OPA3: variants seen among roughly 807,000 people sequenced by gnomAD.
OPA3 encodes outer mitochondrial membrane lipid metabolism regulator OPA3.
A neutral mutation model predicts 4.0 loss-of-function variants in OPA3; 6 were observed. The ratio of observed to expected loss-of-function variants is 1.51; its 90% confidence interval spans 0.83 to 2.99. OPA3 has a LOEUF of 2.99. Ranked by LOEUF, OPA3 falls within the 30% of genes most tolerant of loss-of-function variation. OPA3 has a pLI of 0.00. For missense variants in OPA3, 235 were observed against 256.2 expected (o/e 0.92, Z 0.56); for synonymous variants, 105 against 117.1 (o/e 0.90, Z 0.67).
intron 1 of OPA3, among the ~76,000 whole-genome samples, chr19:45,535,762 C>CTTTTTT (rs370775683): frequency 4.2e-4 from 52 of 122,876 alleles, no homozygotes; most frequent in Non-Finnish European, 6.1e-4. Context: ...TTTTTCTTTT[C>CTTTTTT]TTTTTTTTTT....
intron 1 of OPA3, among the ~76,000 whole-genome samples, chr19:45,581,365 C>T (rs1280512167): frequency 6.6e-6 from 1 of 152,134 alleles, no homozygotes; most frequent in Non-Finnish European, 1.5e-5. Flanking sequence ...CCTCCCTCTG[C>T]CCCAGTGCTT....
At chr19:45,581,271 C>T (rs1345961016) in intron 1 of OPA3, among the ~76,000 whole-genome samples, 1 of 152,112 alleles carries the variant, frequency 6.6e-6, no homozygotes, top group African/African-American at 2.4e-5. Flanking sequence ...AATTCCGGGC[C>T]CTGGAAAGCA....
downstream of OPA3, among the ~76,000 whole-genome samples, chr19:45,542,422 T>A (rs535127759): frequency 6.6e-6 from 1 of 152,212 alleles, no homozygotes; most frequent in Non-Finnish European, 1.5e-5. Flanking sequence ...TGTGGCCTGC[T>A]ACACACCTAG....
intron 1 of OPA3, among the ~76,000 whole-genome samples, chr19:45,580,817 C>T (rs1160274880): frequency 6.6e-6 from 1 of 151,808 alleles, no homozygotes; most frequent in Admixed American, 6.6e-5. Context: ...AGGGTTTCAC[C>T]ATGTTGGCCA....
chr19:45,562,606 T>C (rs556383156), intron 1 of OPA3, among the ~76,000 whole-genome samples: 72 of 152,262 alleles, frequency 4.7e-4, no homozygotes, highest in African/African-American at 1.7e-3. Context: ...GGAGAAGCTC[T>C]TGAACCTGGG....
rs1969312163 is a variant in OPA3 at position 45,550,227 on chromosome 19, A to G, written c.*3287T>C. The G allele has an allele frequency of 6.1e-6, 6 of 985,416 alleles. No individual in the cohort carries two copies. The South Asian group carries it at 2.3e-4, about 39-fold the overall frequency. The allele number at this position is 985,416 out of a possible 1,614,324, so 61.0% of individuals were successfully genotyped here. A position where few individuals can be genotyped will look rare whatever the true frequency, so the allele number is the denominator to read the frequency against. ...TTCAGAACCTGTTTCTTGGCTTTCT[A>G]TCTGGGCAGATCTTGGTCCAGGCCA... On this transcript the variant is annotated 3_prime_UTR_variant, in exon 2 of 2. Coordinates refer to ENST00000263275, the MANE Select transcript of OPA3 (RefSeq NM_025136.4).
chr19:45,560,962 A>T (rs932743197), intron 1 of OPA3, among the ~76,000 whole-genome samples: 9 of 152,108 alleles, frequency 5.9e-5, no homozygotes, highest in African/African-American at 2.2e-4. Context: ...CTGGAATGCA[A>T]CCCTTTCCTC....
At position 45,553,111 on chromosome 19, in the gene OPA3, G is replaced by T; in HGVS notation, c.*403C>A. The T allele has an allele frequency of 8.7e-7, 1 of 1,145,560 alleles. No individual in the cohort carries two copies. Among genetic ancestry groups the T allele is most frequent in the African/African-American group, 1.6e-5 (1 of 61,856 alleles). The allele number at this position is 1,145,560 out of a possible 1,614,324, so 71.0% of individuals were successfully genotyped here. On this transcript the variant is annotated 3_prime_UTR_variant, in exon 2 of 2. Transcript: ENST00000263275. ...TGTGCCGATTGACAAAAAGAAGAAG[G>T]TGTTCCAGTGTAACAGATGAGTGTC... is the stretch of plus-strand genomic sequence containing the variant.
chr19:45,529,719 T>A (rs980808290), intron 1 of OPA3, among the ~76,000 whole-genome samples: 2 of 152,052 alleles, frequency 1.3e-5, no homozygotes, highest in Non-Finnish European at 2.9e-5. Flanking sequence ...ATGCTGATGC[T>A]CTTTTTTTTT....
exon 2 of OPA3, chr19:45,529,322 C>T (rs758033801): frequency 1.9e-6 from 3 of 1,614,184 alleles, no homozygotes; most frequent in East Asian, 2.2e-5. Context: ...CAGCTGCAGG[C>T]GGTGATGAAG....
intron 1 of OPA3, among the ~76,000 whole-genome samples, chr19:45,559,325 G>A (rs892296147): frequency 6.6e-6 from 1 of 151,298 alleles, no homozygotes; most frequent in African/African-American, 2.4e-5. Flanking sequence ...AAAAGAATAT[G>A]GACAATGGTC....
At chr19:45,542,647 G>C (rs11879934), downstream of OPA3, among the ~76,000 whole-genome samples, 5 of 148,084 alleles carry the variant, frequency 3.4e-5, no homozygotes, top group African/African-American at 1.3e-4. Context: ...ATGTGGTACA[G>C]TACTTCACTG....
exon 2 of OPA3, chr19:45,528,856 A>AGAGTC (rs1464119541): frequency 1.7e-6 from 1 of 580,060 alleles, no homozygotes; most frequent in Non-Finnish European, 3.0e-6. Context: ...CAGGAGGCGG[A>AGAGTC]GAGTCCCAGT....
chr19:45,557,646 C>A (rs989798561), intron 1 of OPA3, among the ~76,000 whole-genome samples: 5 of 152,178 alleles, frequency 3.3e-5, no homozygotes, highest in African/African-American at 9.7e-5. Flanking sequence ...GAACATCTCT[C>A]CCAGTGGATT....
At chr19:45,543,128 G>C (rs188300895), downstream of OPA3, among the ~76,000 whole-genome samples, 26 of 151,596 alleles carry the variant, frequency 1.7e-4, no homozygotes, top group African/African-American at 6.1e-4. Context: ...ACCCACCTCA[G>C]CCTCCCTCGT....
chr19:45,540,035 T>A (rs1199510153), intron 1 of OPA3, among the ~76,000 whole-genome samples: 1 of 152,036 alleles, frequency 6.6e-6, no homozygotes, highest in Non-Finnish European at 1.5e-5. Flanking sequence ...TGGGTGAGTT[T>A]CGGCCAGGCG....
chr19:45,554,389 G>A (rs1006646385), intron 1 of OPA3, among the ~76,000 whole-genome samples: 1 of 152,192 alleles, frequency 6.6e-6, no homozygotes, highest in African/African-American at 2.4e-5. Context: ...TGAACACTTA[G>A]ATACACTTGT....
chr19:45,555,392 G>A (rs1969405823), intron 1 of OPA3, among the ~76,000 whole-genome samples: 1 of 152,176 alleles, frequency 6.6e-6, no homozygotes, highest in African/African-American at 2.4e-5. Context: ...CTGGAGTGTA[G>A]TGGCGCAATC....
At chr19:45,555,071 T>C (rs1969400249) in intron 1 of OPA3, among the ~76,000 whole-genome samples, 1 of 152,240 alleles carries the variant, frequency 6.6e-6, no homozygotes, top group South Asian at 2.1e-4. Context: ...ATTACAGCCA[T>C]GAGCCACCAT....
Sources: gnomAD v4.1 joint callset for allele counts (sites outside exome capture counted in the v4.1 genomes callset) on GRCh38, gnomAD v4.1.1 for gene constraint, MANE v1.5 for transcripts, NCBI Gene and HGNC (gene_info 2026-07-23, HGNC 2026-07-21) for gene names.